The following TMEM132C variants were observed in gnomAD, a reference collection of about 807,000 sequenced individuals.
The protein encoded by TMEM132C is protein phosphatase 1, regulatory subunit 152.
In TMEM132C, 29 loss-of-function variants were observed where a neutral mutation model predicts 61.4. That is an observed-to-expected ratio of 0.47 (90% CI 0.35 to 0.64). The LOEUF (loss-of-function observed/expected upper bound fraction) is 0.64. TMEM132C is among the 30% of genes least tolerant of loss of function. The pLI, the probability that TMEM132C is intolerant of heterozygous loss-of-function variation, is 0.00. For missense variants in TMEM132C, 1,408 were observed against 1,476.9 expected (o/e 0.95, Z 0.76); for synonymous variants, 656 against 633.1 (o/e 1.04, Z -0.54).
intron 1 of TMEM132C, among the ~76,000 whole-genome samples, chr12:128,401,931 A>C (rs895525180): frequency 1.3e-5 from 2 of 152,206 alleles, no homozygotes; most frequent in African/African-American, 4.8e-5. Flanking sequence ...CTATCGCCAG[A>C]GGCTGCAAAT....
chr12:128,372,990 C>A (rs1285376822), intron 1 of TMEM132C, among the ~76,000 whole-genome samples: 1 of 152,174 alleles, frequency 6.6e-6, no homozygotes, highest in Non-Finnish European at 1.5e-5. Flanking sequence ...GTTCAAAGAG[C>A]ATGTGCTTTT....
intron 1 of TMEM132C, among the ~76,000 whole-genome samples, chr12:128,325,380 A>G (rs556244081): frequency 4.3e-4 from 66 of 152,224 alleles, no homozygotes; most frequent in African/African-American, 1.3e-3. Flanking sequence ...CCCAGTACAG[A>G]TTACCTTCCA....
chr12:128,548,082 G>A (rs927974490), intron 3 of TMEM132C, among the ~76,000 whole-genome samples: 27 of 152,164 alleles, frequency 1.8e-4, no homozygotes, highest in Non-Finnish European at 3.2e-4. Context: ...CTCTGAGAGC[G>A]GCAGGCAGCT....
At chr12:128,340,920 C>T (rs1238368040) in intron 1 of TMEM132C, among the ~76,000 whole-genome samples, 2 of 89,682 alleles carry the variant, frequency 2.2e-5, no homozygotes, top group African/African-American at 8.1e-5. Flanking sequence ...CTCTCTTTCT[C>T]TCTCTCTCTC....
intron 5 of TMEM132C, among the ~76,000 whole-genome samples, chr12:128,681,013 G>C (rs1365985372): frequency 6.6e-6 from 1 of 152,176 alleles, no homozygotes; most frequent in Non-Finnish European, 1.5e-5. Context: ...TAGCCTCGGG[G>C]AAGATGTAGC....
intron 3 of TMEM132C, among the ~76,000 whole-genome samples, chr12:128,606,627 G>T (rs1876437063): frequency 6.6e-6 from 1 of 152,216 alleles, no homozygotes; most frequent in South Asian, 2.1e-4. Context: ...AAATGTGGCA[G>T]AGGGGCCCCT....
intron 1 of TMEM132C, among the ~76,000 whole-genome samples, chr12:128,339,737 G>GCTGATC (rs551967255): frequency 1.4e-3 from 213 of 151,978 alleles, no homozygotes; most frequent in African/African-American, 4.5e-3. Context: ...CATTTGAGGA[G>GCTGATC]CTGATCCTGC....
Position 128,544,000 on chromosome 12 carries a change from C to T in TMEM132C, c.1018C>T (p.Arg340Cys), listed in dbSNP as rs1002960609. Residue 340 changes from arginine (R) to cysteine (C), a missense_variant, in exon 3 of 9, where the codon CGT becomes TGT. Coordinates refer to ENST00000435159, the MANE Select transcript of TMEM132C (RefSeq NM_001136103.3). ...KGVNILSAQTREPRQWGVKQE... is the reference protein window; with the variant it reads ...KGVNILSAQTCEPRQWGVKQE... ...GGTGAACATCCTGAGTGCTCAGACC[C>T]GTGAGCCCCGGCAGTGGGGCGTCAA... 1.4e-5 allele frequency: 21 copies of T among 1,549,216 alleles called. No homozygotes were observed. Among genetic ancestry groups the T allele is most frequent in the South Asian group, 2.4e-5 (2 of 83,422 alleles).
At chr12:128,301,788 G>A (rs1871602932) in intron 1 of TMEM132C, among the ~76,000 whole-genome samples, 1 of 152,146 alleles carries the variant, frequency 6.6e-6, no homozygotes, top group South Asian at 2.1e-4. Flanking sequence ...TGCTGATAAA[G>A]ACATAGCTGA....
At chr12:128,578,323 G>A (rs77869889) in intron 3 of TMEM132C, among the ~76,000 whole-genome samples, 2 of 152,184 alleles carry the variant, frequency 1.3e-5, no homozygotes, top group Non-Finnish European at 2.9e-5. Context: ...CACACTGGTC[G>A]CAGCCTGTAT....
At chr12:128,501,428 A>G (rs1872175273) in intron 2 of TMEM132C, among the ~76,000 whole-genome samples, 2 of 152,202 alleles carry the variant, frequency 1.3e-5, no homozygotes, top group South Asian at 4.1e-4. Context: ...CCAATAATCC[A>G]AATTCATCAT....
chr12:128,448,049 G>A (rs562622405), intron 2 of TMEM132C, among the ~76,000 whole-genome samples: 18 of 152,172 alleles, frequency 1.2e-4, no homozygotes, highest in South Asian at 6.2e-4. Flanking sequence ...CGATCCCACC[G>A]CATTCTCCCA....
chr12:128,515,445 T>C (rs957012853), intron 2 of TMEM132C, among the ~76,000 whole-genome samples: 1 of 152,228 alleles, frequency 6.6e-6, no homozygotes, highest in African/African-American at 2.4e-5. Context: ...GCTAAGCAGC[T>C]GAACTAACGG....
At chr12:128,623,421 T>TTATATATATATA (rs199503150) in intron 4 of TMEM132C, among the ~76,000 whole-genome samples, 1 of 148,964 alleles carries the variant, frequency 6.7e-6, no homozygotes, top group African/African-American at 2.5e-5. Context: ...AAGTATAATT[T>TTATATATATATA]TATATATATA....
chr12:128,687,254 A>G (rs1029671119), intron 5 of TMEM132C, among the ~76,000 whole-genome samples: 2 of 150,872 alleles, frequency 1.3e-5, no homozygotes, highest in Non-Finnish European at 2.9e-5. Flanking sequence ...TGAGAAGTTG[A>G]CATTTGAGCA....
chr12:128,655,148 G>A (rs930023384), intron 4 of TMEM132C, among the ~76,000 whole-genome samples: 6 of 152,192 alleles, frequency 3.9e-5, no homozygotes, highest in African/African-American at 2.4e-5. Context: ...GGGAGGCAGC[G>A]TGGTCAGGTA....
At chr12:128,542,588 G>A (rs922257965) in intron 2 of TMEM132C, among the ~76,000 whole-genome samples, 2 of 152,212 alleles carry the variant, frequency 1.3e-5, no homozygotes, top group Non-Finnish European at 2.9e-5. Context: ...TTGGCCGGAC[G>A]CAGTGGCTGA....
intron 1 of TMEM132C, among the ~76,000 whole-genome samples, chr12:128,397,844 C>A (rs190560580): frequency 6.6e-6 from 1 of 152,220 alleles, no homozygotes; most frequent in Non-Finnish European, 1.5e-5. Flanking sequence ...TTCCCTATTG[C>A]GACTGGCCAC....
chr12:128,661,122 G>A (rs1954385522), intron 4 of TMEM132C, among the ~76,000 whole-genome samples: 1 of 152,152 alleles, frequency 6.6e-6, no homozygotes, highest in South Asian at 2.1e-4. Flanking sequence ...ATGTGTCATG[G>A]ACAAACTGTC....
Sources: allele counts gnomAD v4.1 joint callset (sites outside exome capture counted in the v4.1 genomes callset), GRCh38; gene constraint gnomAD v4.1.1; transcripts MANE v1.5; gene names NCBI Gene and HGNC (gene_info 2026-07-23, HGNC 2026-07-21).